The following CACNA2D1 variants were observed in gnomAD, a reference collection of about 807,000 sequenced individuals.
CACNA2D1 encodes the protein calcium voltage-gated channel auxiliary subunit alpha2delta 1.
CACNA2D1 carries 53 observed loss-of-function variants against 171.5 expected under a neutral mutation model. The ratio of observed to expected loss-of-function variants is 0.31; its 90% CI spans 0.25 to 0.39. CACNA2D1 has a LOEUF of 0.39. Ranked by LOEUF, CACNA2D1 falls within the 10% of genes least tolerant of loss-of-function variation. CACNA2D1 has a pLI of 1.00. For missense variants in CACNA2D1, 903 were observed against 1,299.8 expected, an observed-to-expected ratio of 0.69 and a Z score of 4.69; for synonymous variants, 442 against 443.1, an observed-to-expected ratio of 1.00 and a Z score of 0.03.
At chr7:81,976,746 T>A (rs1584258039) in intron 24 of CACNA2D1, among the ~76,000 whole-genome samples, 2 of 152,044 alleles carry the variant, frequency 1.3e-5, no homozygotes. Flanking sequence ...CCCAGCTACT[T>A]GGGAGGCTGA....
intron 1 of CACNA2D1, among the ~76,000 whole-genome samples, chr7:82,397,748 T>C (rs906153981): frequency 3.3e-5 from 5 of 152,204 alleles, no homozygotes; most frequent in African/African-American, 1.2e-4. Flanking sequence ...CATTTAATCA[T>C]CGTTACCATG....
intron 3 of CACNA2D1, among the ~76,000 whole-genome samples, chr7:82,215,829 A>C (rs1801040587): frequency 6.6e-6 from 1 of 152,170 alleles, no homozygotes; most frequent in South Asian, 2.1e-4. Flanking sequence ...TACCCAAAAG[A>C]ATGTTTTTCA....
intron 3 of CACNA2D1, among the ~76,000 whole-genome samples, chr7:82,305,130 T>G (rs1813556337): frequency 6.6e-6 from 1 of 152,180 alleles, no homozygotes; most frequent in African/African-American, 2.4e-5. Context: ...TCAGATAACT[T>G]CTCTCTAAAA....
intron 7 of CACNA2D1, among the ~76,000 whole-genome samples, chr7:82,076,479 A>T (rs1211158379): frequency 6.6e-6 from 1 of 152,156 alleles, no homozygotes; most frequent in Non-Finnish European, 1.5e-5. Flanking sequence ...AACTTAAAAA[A>T]TGATACTCAA....
intron 24 of CACNA2D1, among the ~76,000 whole-genome samples, chr7:81,981,222 T>C (rs1796414375): frequency 6.6e-6 from 1 of 152,150 alleles, no homozygotes; most frequent in Admixed American, 6.6e-5. Flanking sequence ...TGCAGCCTTC[T>C]TATATGAGTG....
chr7:82,154,115 G>A (rs1302458619), intron 4 of CACNA2D1, among the ~76,000 whole-genome samples: 1 of 152,066 alleles, frequency 6.6e-6, no homozygotes, highest in Non-Finnish European at 1.5e-5. Flanking sequence ...AAGCCTGTAG[G>A]ACCGTGAAAA....
chr7:82,250,182 A>G (rs1046177405), intron 3 of CACNA2D1, among the ~76,000 whole-genome samples: 2 of 152,168 alleles, frequency 1.3e-5, no homozygotes. Context: ...TCATTGCCCA[A>G]TCACCTCTTA....
rs780267183 is a variant in CACNA2D1 at position 81,967,134 on chromosome 7, T to G, written c.2502+35A>C. ...TTAGCAAGAGTAACACAAGGAAATA[T>G]TGTACTCAAAAGTGATTTTAAATAG... On this transcript the variant is annotated intron_variant, in intron 31 of 38. Coordinates refer to ENST00000356860, the MANE Select transcript of CACNA2D1 (RefSeq NM_000722.4). 4 of 1,524,486 alleles carry G rather than the reference T, an allele frequency of 2.6e-6. No homozygotes were observed. In the African/African-American group the frequency reaches 5.5e-5, roughly 21 times the overall value. 94.4% of individuals were successfully genotyped at this position (1,524,486 alleles called of 1,614,324 possible). A position where few individuals can be genotyped will look rare whatever the true frequency, so the allele number is the denominator to read the frequency against.
intron 7 of CACNA2D1, among the ~76,000 whole-genome samples, chr7:82,073,438 A>T (rs1478077077): frequency 1.3e-5 from 2 of 152,208 alleles, no homozygotes; most frequent in Non-Finnish European, 2.9e-5. Flanking sequence ...TTCTCACTGC[A>T]TAGATTGAAA....
chr7:82,379,581 T>C (rs1823455894), intron 1 of CACNA2D1, among the ~76,000 whole-genome samples: 2 of 152,234 alleles, frequency 1.3e-5, no homozygotes, highest in Non-Finnish European at 1.5e-5. Flanking sequence ...CTATACTTGT[T>C]GTCCTGGGAT....
chr7:82,258,789 A>G (rs1806621666), intron 3 of CACNA2D1, among the ~76,000 whole-genome samples: 1 of 139,040 alleles, frequency 7.2e-6, no homozygotes, highest in African/African-American at 2.7e-5. Flanking sequence ...GAAGAAGGTT[A>G]AAATTTCTTT....
chr7:81,968,069 G>A (rs1394918990), intron 29 of CACNA2D1, among the ~76,000 whole-genome samples: 2 of 151,390 alleles, frequency 1.3e-5, no homozygotes, highest in African/African-American at 4.8e-5. Context: ...GAGAGTGGGT[G>A]AATAAATGAA....
At chr7:82,051,599 A>C (rs573104399) in intron 10 of CACNA2D1, among the ~76,000 whole-genome samples, 1 of 152,286 alleles carries the variant, frequency 6.6e-6, no homozygotes, top group Non-Finnish European at 1.5e-5. Flanking sequence ...TTTAGTAAGA[A>C]ATGTGTGGTT....
intron 12 of CACNA2D1, among the ~76,000 whole-genome samples, chr7:82,020,144 A>G (rs529975706): frequency 8.8e-4 from 134 of 152,322 alleles, no homozygotes; most frequent in African/African-American, 3.2e-3. Flanking sequence ...AGTTTTGGTG[A>G]TCCACCTTAG....
intron 12 of CACNA2D1, among the ~76,000 whole-genome samples, chr7:82,019,302 G>C (rs549537463): frequency 6.4e-4 from 97 of 152,278 alleles, no homozygotes; most frequent in African/African-American, 2.2e-3. Flanking sequence ...CCTGGTGATG[G>C]AGTGAGACTC....
At chr7:82,068,985 T>A (rs979343438) in intron 7 of CACNA2D1, among the ~76,000 whole-genome samples, 6 of 152,162 alleles carry the variant, frequency 3.9e-5, no homozygotes, top group African/African-American at 7.2e-5. Flanking sequence ...AGGTGGTTTA[T>A]ATTTCAAAAT....
At chr7:82,417,646 A>C (rs773797978) in intron 1 of CACNA2D1, among the ~76,000 whole-genome samples, 11 of 152,176 alleles carry the variant, frequency 7.2e-5, no homozygotes, top group Non-Finnish European at 1.0e-4. Flanking sequence ...TTTTCAACCC[A>C]GGGTGATTTT....
chr7:82,038,088 G>T lies in CACNA2D1; in HGVS notation c.1027C>A (p.Gln343Lys). Residue 343 changes from glutamine to lysine, a missense_variant, in exon 11 of 39, where the codon CAG becomes AAG. This residue lies in a region of CACNA2D1 where 623 missense variants were observed against 925.5 expected (regional missense o/e 0.67). Transcript: ENST00000356860. ...AGCATGATACTTACATTAAGCAGCTGTTCAAAAGCAAAACTAAAGCCCTTC... is the reference window on the plus strand; with the variant it reads ...AGCATGATACTTACATTAAGCAGCTTTTCAAAAGCAAAACTAAAGCCCTTC... Reference protein sequence around the residue: ...YKKGFSFAFEQLLNYNVSRAN... With the variant: ...YKKGFSFAFEKLLNYNVSRAN... 6.2e-7 allele frequency: 1 copy of T among 1,613,430 alleles called. No individual in the cohort carries two copies. Among genetic ancestry groups the T allele is most frequent in the Non-Finnish European group, 8.5e-7 (1 of 1,179,756 alleles).
intron 3 of CACNA2D1, among the ~76,000 whole-genome samples, chr7:82,285,418 AC>A (rs1368952464): frequency 1.3e-5 from 2 of 152,198 alleles, no homozygotes; most frequent in Non-Finnish European, 2.9e-5. Flanking sequence ...GATATGCAGT[AC>A]GTACTCTTGA....
Sources: allele counts gnomAD v4.1 joint callset (sites outside exome capture counted in the v4.1 genomes callset), GRCh38; gene constraint gnomAD v4.1.1; regional missense constraint gnomAD v4.1.1; transcripts MANE v1.5; gene names NCBI Gene and HGNC (gene_info 2026-07-23, HGNC 2026-07-21).